Variants in ADAMTS18 observed in about 807,000 individuals in gnomAD.
ADAMTS18 encodes the protein ADAM metallopeptidase with thrombospondin type 1 motif 18.
Under a neutral mutation model 165.9 loss-of-function variants are expected in ADAMTS18, and 157 were observed. The observed-to-expected ratio is 0.95, with a 90% confidence interval of 0.83 to 1.08. The LOEUF (loss-of-function observed/expected upper bound fraction) is 1.08, where lower values mean the gene tolerates loss of function less well. ADAMTS18 is among the 50% of genes least tolerant of loss of function. The pLI is 0.00. For missense variants in ADAMTS18, 2,040 were observed against 1,534.0 expected (o/e 1.33, Z -5.51); for synonymous variants, 782 against 578.2 (o/e 1.35, Z -5.06).
chr16:77,394,116 T>G (rs1174603944), intron 3 of ADAMTS18, among the ~76,000 whole-genome samples: 2 of 152,238 alleles, frequency 1.3e-5, no homozygotes, highest in African/African-American at 4.8e-5. Flanking sequence ...CCATTAAACT[T>G]GATATCACTG....
At chr16:77,295,377 GCCAC>G (rs2055449309) in intron 18 of ADAMTS18, among the ~76,000 whole-genome samples, 1 of 149,714 alleles carries the variant, frequency 6.7e-6, no homozygotes. Flanking sequence ...AGAAATACAT[GCCAC>G]TTTAAAATCT....
At chr16:77,353,122 G>A (rs7200425) in intron 10 of ADAMTS18, among the ~76,000 whole-genome samples, 10,808 of 152,020 alleles carry the variant, frequency 0.071, 967 homozygotes, top group African/African-American at 0.21. Flanking sequence ...TTTACTTTCT[G>A]GTAAAGTTGA....
At chr16:77,416,097 AG>A (rs1446074506) in intron 3 of ADAMTS18, among the ~76,000 whole-genome samples, 1 of 152,100 alleles carries the variant, frequency 6.6e-6, no homozygotes, top group Non-Finnish European at 1.5e-5. Flanking sequence ...ACAGCAGAGA[AG>A]GGGGTTGGGG....
intron 3 of ADAMTS18, among the ~76,000 whole-genome samples, chr16:77,408,325 A>G (rs573243712): frequency 1.3e-5 from 2 of 152,318 alleles, no homozygotes; most frequent in Non-Finnish European, 1.5e-5. Flanking sequence ...CACATGCTAG[A>G]TGACCGAGAA....
intron 3 of ADAMTS18, among the ~76,000 whole-genome samples, chr16:77,380,559 A>T (rs1651475300): frequency 6.6e-6 from 1 of 152,250 alleles, no homozygotes; most frequent in African/African-American, 2.4e-5. Flanking sequence ...TACTAATAGC[A>T]AAATGGTTGA....
At chr16:77,386,536 C>T (rs1192892175) in intron 3 of ADAMTS18, among the ~76,000 whole-genome samples, 5 of 152,148 alleles carry the variant, frequency 3.3e-5, no homozygotes, top group African/African-American at 1.2e-4. Context: ...AGAGTGGCCG[C>T]CCCATAAAGA....
At chr16:77,410,273 T>G (rs976048982) in intron 3 of ADAMTS18, among the ~76,000 whole-genome samples, 1 of 147,470 alleles carries the variant, frequency 6.8e-6, no homozygotes, top group Non-Finnish European at 1.5e-5. Flanking sequence ...GACCCAAGAA[T>G]TGGTTGCAAC....
chr16:77,431,900 T>C lies in ADAMTS18; in HGVS notation c.179-289A>G, dbSNP rs1267112152. On this transcript the variant is annotated intron_variant, in intron 2 of 22. Coordinates refer to ENST00000282849, the MANE Select transcript of ADAMTS18 (RefSeq NM_199355.4). The stretch of plus-strand genomic sequence containing the variant: ...ACCTCTCATTGTCTGGAGAGAGATT[T>C]AGAACATTCTTTTGATGTTTAATGG... 2.0e-5 allele frequency among the ~76,000 whole-genome samples: 3 copies of C among 152,248 alleles called. No individual in the cohort carries two copies. In the East Asian group the frequency reaches 5.8e-4, roughly 29 times the overall value.
intron 18 of ADAMTS18, among the ~76,000 whole-genome samples, chr16:77,296,318 G>A (rs907732276): frequency 1.6e-4 from 24 of 152,200 alleles, no homozygotes; most frequent in African/African-American, 3.9e-4. Flanking sequence ...CATCATCAGC[G>A]GTGGAGTTAC....
At chr16:77,315,653 T>A (rs992596676) in intron 16 of ADAMTS18, among the ~76,000 whole-genome samples, 2 of 152,206 alleles carry the variant, frequency 1.3e-5, no homozygotes, top group African/African-American at 4.8e-5. Flanking sequence ...ATTGGTGGTG[T>A]CAACCAAGGC....
At chr16:77,397,012 T>G (rs1215809014) in intron 3 of ADAMTS18, among the ~76,000 whole-genome samples, 1 of 152,124 alleles carries the variant, frequency 6.6e-6, no homozygotes, top group Non-Finnish European at 1.5e-5. Context: ...TTTCACCATG[T>G]TGGCCAGGCT....
intron 16 of ADAMTS18, among the ~76,000 whole-genome samples, chr16:77,303,019 C>T (rs1597097447): frequency 6.6e-6 from 1 of 152,180 alleles, no homozygotes; most frequent in African/African-American, 2.4e-5. Flanking sequence ...AAGAAGGGAA[C>T]TCACACAATC....
At chr16:77,299,521 C>G (rs754619123) in intron 17 of ADAMTS18, among the ~76,000 whole-genome samples, 6 of 152,052 alleles carry the variant, frequency 3.9e-5, no homozygotes, top group Non-Finnish European at 7.4e-5. Flanking sequence ...GGGATGGAAC[C>G]AGTAGGAAGT....
rs1000123069 is a variant in ADAMTS18, at chr16:77,383,348, A to T, written c.496-15625T>A. On this transcript the variant is annotated intron_variant, in intron 3 of 22. Coordinates refer to ENST00000282849, the MANE Select transcript of ADAMTS18 (RefSeq NM_199355.4). The stretch of plus-strand genomic sequence containing the variant: ...CCCGTCCAATCCAAATGCAGCATCT[A>T]GTAGCTTCTCTAGCATCTTCTACCT... Among the ~76,000 whole-genome samples, 3 of 152,152 alleles carry T rather than the reference A, an allele frequency of 2.0e-5. No individual in the cohort carries two copies. In the East Asian group the frequency reaches 5.8e-4, roughly 29 times the overall value.
At chr16:77,422,650 A>C (rs544142964) in intron 3 of ADAMTS18, among the ~76,000 whole-genome samples, 2 of 151,826 alleles carry the variant, frequency 1.3e-5, no homozygotes, top group Non-Finnish European at 2.9e-5. Flanking sequence ...GAAAGAAGAA[A>C]GGAGGGAGGG....
intron 3 of ADAMTS18, among the ~76,000 whole-genome samples, chr16:77,387,540 C>A (rs1158946184): frequency 1.3e-5 from 2 of 152,158 alleles, no homozygotes; most frequent in Non-Finnish European, 2.9e-5. Flanking sequence ...TCCTTCACTG[C>A]AAATTACTCC....
intron 3 of ADAMTS18, among the ~76,000 whole-genome samples, chr16:77,396,495 G>A (rs1470933508): frequency 6.6e-6 from 1 of 152,192 alleles, no homozygotes; most frequent in Non-Finnish European, 1.5e-5. Context: ...AATTTTTGAA[G>A]GAAGTCGTTA....
chr16:77,345,415 C>T (rs924578492), intron 10 of ADAMTS18, among the ~76,000 whole-genome samples: 1 of 152,170 alleles, frequency 6.6e-6, no homozygotes, highest in African/African-American at 2.4e-5. Context: ...AAAACCCCCA[C>T]CAGATCATGA....
At chr16:77,434,359 G>T in intron 2 of ADAMTS18, 59 bp downstream of exon 2, 1 of 1,523,504 alleles carries the variant, frequency 6.6e-7, no homozygotes, top group Non-Finnish European at 8.8e-7. Context: ...CTCTTTGGGG[G>T]AAGGAAGGGT....
Sources: allele counts gnomAD v4.1 joint callset (sites outside exome capture counted in the v4.1 genomes callset), GRCh38; gene constraint gnomAD v4.1.1; transcripts MANE v1.5; gene names NCBI Gene and HGNC (gene_info 2026-07-23, HGNC 2026-07-21).